HDX: variants seen among roughly 807,000 people sequenced by gnomAD.
HDX encodes the protein highly divergent homeobox.
In HDX, 19 loss-of-function variants were observed where a neutral mutation model predicts 45.2. The ratio of observed to expected loss-of-function variants is 0.42; its 90% CI spans 0.29 to 0.62. The LOEUF (loss-of-function observed/expected upper bound fraction) is 0.62. HDX is among the 20% of genes least tolerant of loss of function. HDX has a pLI of 0.20. For missense variants in HDX, 532 were observed against 493.9 expected, an observed-to-expected ratio of 1.08 and a Z score of -0.73; for synonymous variants, 188 against 172.8, an observed-to-expected ratio of 1.09 and a Z score of -0.69.
chrX:84,466,391 C>T (rs2040353344), intron 4 of HDX, among the ~76,000 whole-genome samples: 1 of 111,722 alleles, frequency 9.0e-6, no homozygotes, highest in African/African-American at 3.3e-5. Context: ...GGATAAGCCA[C>T]TGGCTATACC....
chrX:84,480,235 G>T (rs1251928137), intron 2 of HDX, among the ~76,000 whole-genome samples: 1 of 111,597 alleles, frequency 9.0e-6, no homozygotes, highest in Non-Finnish European at 1.9e-5. Context: ...CAACTTACTA[G>T]TTCCAGGGGA....
At chrX:84,374,032 C>T (rs1274795732) in intron 5 of HDX, among the ~76,000 whole-genome samples, 2 of 109,789 alleles carry the variant, frequency 1.8e-5, no homozygotes, top group Non-Finnish European at 3.8e-5. Flanking sequence ...CCCAAAATCT[C>T]CTTAAGCTGA....
chrX:84,495,688 T>G (rs1017374689), intron 1 of HDX, among the ~76,000 whole-genome samples: 1 of 111,713 alleles, frequency 9.0e-6, no homozygotes, highest in Non-Finnish European at 1.9e-5. Flanking sequence ...CAAAAGATAC[T>G]TAAGGCAGAA....
chrX:84,411,686 A>G (rs759804927), intron 5 of HDX, among the ~76,000 whole-genome samples: 212 of 111,401 alleles, frequency 1.9e-3, no homozygotes, highest in Non-Finnish European at 3.5e-3. Flanking sequence ...AATCAACGTG[A>G]TTAAGTGTTG....
chrX:84,343,625 T>C (rs762777988), intron 7 of HDX, among the ~76,000 whole-genome samples: 1 of 110,983 alleles, frequency 9.0e-6, no homozygotes, highest in East Asian at 2.8e-4. Context: ...AAATTAAATC[T>C]CAATAAAAGT....
At chrX:84,329,345 T>C (rs1158520422) in intron 9 of HDX, among the ~76,000 whole-genome samples, 3 of 111,921 alleles carry the variant, frequency 2.7e-5, no homozygotes, top group South Asian at 3.7e-4. Context: ...TTTTGGTTTA[T>C]TAATACATAC....
chrX:84,391,407 C>T (rs1488377754), intron 5 of HDX, among the ~76,000 whole-genome samples: 3 of 111,788 alleles, frequency 2.7e-5, no homozygotes, highest in Admixed American at 1.9e-4. Context: ...CTGTGATAAA[C>T]ATGGTAGTGC....
chrX:84,381,752 C>A (rs2038193698), intron 5 of HDX, among the ~76,000 whole-genome samples: 1 of 111,286 alleles, frequency 9.0e-6, no homozygotes, highest in Admixed American at 9.6e-5. Context: ...TAAACTACTA[C>A]AGGAAAACAC....
chrX:84,413,447 C>T (rs2039032132), intron 5 of HDX, among the ~76,000 whole-genome samples: 1 of 111,578 alleles, frequency 9.0e-6, no homozygotes, highest in African/African-American at 3.3e-5. Flanking sequence ...GTGCTGTGTG[C>T]TCTAACTCTA....
rs149514512 is a variant in HDX, at chrX:84,433,997, C to T, written c.1305+6535G>A. Among the ~76,000 whole-genome samples, 124 of 111,083 alleles carry T rather than the reference C, an allele frequency of 1.1e-3. 1 individual carries two copies. The highest frequency in any genetic ancestry group is 2.6e-3 in the African/African-American group (80 of 30,675). On this transcript the variant is annotated intron_variant, in intron 5 of 10. Coordinates refer to ENST00000373177, the MANE Select transcript of HDX (RefSeq NM_001177479.2). ...TAATTCTCATCCTGTTTGTTGTTTA[C>T]GCATAAAAATGCTACTGAATATGTA...
chrX:84,449,314 CA>C (rs2039945661), intron 4 of HDX, among the ~76,000 whole-genome samples: 3 of 111,636 alleles, frequency 2.7e-5, no homozygotes, highest in African/African-American at 9.7e-5. Context: ...GCAGGAAACT[CA>C]GAGATCCACA....
chrX:84,336,247 T>A (rs1205793972), intron 8 of HDX, among the ~76,000 whole-genome samples: 1 of 111,378 alleles, frequency 9.0e-6, no homozygotes, highest in Non-Finnish European at 1.9e-5. Flanking sequence ...ACAACCTGCT[T>A]CTATTTGCTA....
intron 5 of HDX, among the ~76,000 whole-genome samples, chrX:84,388,839 G>T (rs2038378737): frequency 8.9e-6 from 1 of 111,824 alleles, no homozygotes; most frequent in African/African-American, 3.3e-5. Context: ...CATTGCTGGG[G>T]AGCTAGTGGG....
chrX:84,372,157 G>A (rs1217394164), intron 5 of HDX, among the ~76,000 whole-genome samples: 1 of 111,641 alleles, frequency 9.0e-6, no homozygotes, highest in Non-Finnish European at 1.9e-5. Context: ...TAGAAAAAGA[G>A]GGTAGTCATA....
chrX:84,434,559 G>T (rs895462803), intron 5 of HDX, among the ~76,000 whole-genome samples: 1 of 110,777 alleles, frequency 9.0e-6, no homozygotes, highest in Non-Finnish European at 1.9e-5. Context: ...TATATTATTG[G>T]ATTAATTTTG....
chrX:84,376,471 A>G (rs1358561332), intron 5 of HDX, among the ~76,000 whole-genome samples: 1 of 111,642 alleles, frequency 9.0e-6, no homozygotes, highest in Non-Finnish European at 1.9e-5. Flanking sequence ...CTTCTATGAA[A>G]TTTCTGGACT....
intron 1 of HDX, among the ~76,000 whole-genome samples, chrX:84,489,579 C>A (rs188492793): frequency 9.0e-6 from 1 of 111,250 alleles, no homozygotes; most frequent in African/African-American, 3.3e-5. Context: ...GCCAAGTTCA[C>A]CTCTGCTGAT....
intron 4 of HDX, among the ~76,000 whole-genome samples, chrX:84,468,049 A>G (rs1362011895): frequency 9.0e-6 from 1 of 111,374 alleles, no homozygotes; most frequent in African/African-American, 3.3e-5. Flanking sequence ...GAAATTATTG[A>G]CTTGCCTGGT....
intron 4 of HDX, among the ~76,000 whole-genome samples, chrX:84,455,730 A>G (rs1015813477): frequency 4.5e-5 from 5 of 111,933 alleles, no homozygotes; most frequent in Non-Finnish European, 9.4e-5. Flanking sequence ...AAGTTATAGA[A>G]CAGCAAGTAG....
Sources: gnomAD v4.1 joint callset for allele counts (sites outside exome capture counted in the v4.1 genomes callset) on GRCh38, gnomAD v4.1.1 for gene constraint, MANE v1.5 for transcripts, NCBI Gene and HGNC (gene_info 2026-07-23, HGNC 2026-07-21) for gene names.